Variants in ARHGAP15 observed in about 807,000 individuals in gnomAD.
ARHGAP15 encodes rho GTPase-activating protein 15.
A neutral mutation model predicts 63.7 loss-of-function variants in ARHGAP15; 51 were observed. The ratio of observed to expected loss-of-function variants is 0.80; its 90% CI spans 0.64 to 1.01. The LOEUF (loss-of-function observed/expected upper bound fraction) is 1.01, where lower values mean the gene tolerates loss of function less well. Ranked by LOEUF, ARHGAP15 falls within the 50% of genes least tolerant of loss-of-function variation. ARHGAP15 has a pLI of 0.00. For synonymous variants in ARHGAP15, 191 were observed against 193.8 expected (o/e 0.99, Z 0.12); for missense variants, 560 against 564.6 (o/e 0.99, Z 0.08).
chr2:143,662,844 G>A (rs1681903134), intron 12 of ARHGAP15, among the ~76,000 whole-genome samples: 1 of 134,728 alleles, frequency 7.4e-6, no homozygotes, highest in Non-Finnish European at 1.6e-5. Context: ...ATGAAATGAA[G>A]CAAGAAGGGA....
rs186359302 is a variant in ARHGAP15, at chr2:143,468,478, T to G, written c.704-18895T>G. ...GTTTCATAAACCTTTTAGAAATGGA[T>G]ATTGATTATTACTATTCAACTAATA... is the stretch of plus-strand genomic sequence containing the variant. On this transcript the variant is annotated intron_variant, in intron 8 of 13. Coordinates refer to ENST00000295095, the MANE Select transcript of ARHGAP15 (RefSeq NM_018460.4). Among the ~76,000 whole-genome samples the G allele has an allele frequency of 2.3e-3, 345 of 152,262 alleles. 1 individual carries two copies. The highest frequency in any genetic ancestry group is 8.1e-3 in the African/African-American group (337 of 41,554).
intron 12 of ARHGAP15, among the ~76,000 whole-genome samples, chr2:143,635,194 CTTTTTTTTTTTTTTTT>C (rs10558886): frequency 1.1e-4 from 3 of 26,882 alleles, no homozygotes; most frequent in African/African-American, 5.1e-4. Flanking sequence ...CTCTCAGGAG[CTTTTTTTTTTTTTTTT>C]TTTTTTTTTT....
At chr2:143,611,532 A>G (rs1369203781) in intron 11 of ARHGAP15, among the ~76,000 whole-genome samples, 2 of 152,228 alleles carry the variant, frequency 1.3e-5, no homozygotes, top group African/African-American at 4.8e-5. Context: ...CGGCTGGCAC[A>G]TGACAGGTGT....
At chr2:143,311,834 T>C (rs2105191201) in intron 6 of ARHGAP15, among the ~76,000 whole-genome samples, 1 of 152,234 alleles carries the variant, frequency 6.6e-6, no homozygotes, top group Non-Finnish European at 1.5e-5. Flanking sequence ...GGTTCAACAG[T>C]TCATTAGCCC....
chr2:143,220,568 G>T (rs926504792), intron 4 of ARHGAP15, among the ~76,000 whole-genome samples: 1 of 152,002 alleles, frequency 6.6e-6, no homozygotes, highest in African/African-American at 2.4e-5. Flanking sequence ...CAAATCACAC[G>T]ACCATTTTAA....
At chr2:143,614,463 T>C (rs1255172777) in intron 11 of ARHGAP15, among the ~76,000 whole-genome samples, 1 of 152,192 alleles carries the variant, frequency 6.6e-6, no homozygotes, top group Admixed American at 6.5e-5. Context: ...GTCTTCAGTA[T>C]TTGTTAAGTG....
At chr2:143,370,532 C>G (rs1686504056) in intron 6 of ARHGAP15, among the ~76,000 whole-genome samples, 1 of 151,906 alleles carries the variant, frequency 6.6e-6, no homozygotes. Flanking sequence ...TCAAGTCATA[C>G]TGATTATATT....
In ARHGAP15 at chr2:143,768,066, C is replaced by G. The variant is rs2105565967; in HGVS notation, c.1322C>G (p.Ala441Gly). ...GIVFGPTLLR[A>G]ENETGNMAIH... is the part of the protein sequence containing the mutation. ...GTATTTGGACCTACCCTTCTGCGAG[C>G]TGAAAATGAAACAGGAAACATGGCG... Residue 441 changes from alanine (A) to glycine (G), a missense_variant, in exon 14 of 14, where the codon GCT becomes GGT. Ala to Gly is a moderately conservative substitution (Grantham distance 60). Coordinates refer to ENST00000295095, the MANE Select transcript of ARHGAP15 (RefSeq NM_018460.4). The G allele has an allele frequency of 6.2e-7, 1 of 1,613,768 alleles. No homozygotes were observed. Among genetic ancestry groups the G allele is most frequent in the Non-Finnish European group, 8.5e-7 (1 of 1,179,794 alleles).
intron 12 of ARHGAP15, among the ~76,000 whole-genome samples, chr2:143,689,545 C>G (rs1559127619): frequency 6.6e-6 from 1 of 152,172 alleles, no homozygotes; most frequent in Non-Finnish European, 1.5e-5. Flanking sequence ...TTTTTACCCT[C>G]TGCTTCAGCT....
At chr2:143,628,462 T>A (rs1698929202) in intron 12 of ARHGAP15, among the ~76,000 whole-genome samples, 1 of 152,156 alleles carries the variant, frequency 6.6e-6, no homozygotes, top group African/African-American at 2.4e-5. Flanking sequence ...TGGAAGGAGA[T>A]GGTAGAAAGA....
intron 13 of ARHGAP15, among the ~76,000 whole-genome samples, chr2:143,759,781 C>CTAA (rs1686698340): frequency 2.0e-5 from 3 of 152,304 alleles, no homozygotes; most frequent in African/African-American, 7.2e-5. Flanking sequence ...AGCACTCCGT[C>CTAA]TAATACACGT....
intron 11 of ARHGAP15, among the ~76,000 whole-genome samples, chr2:143,594,442 T>C (rs1176262534): frequency 6.6e-6 from 1 of 152,182 alleles, no homozygotes; most frequent in Non-Finnish European, 1.5e-5. Flanking sequence ...GTGCTCGGCC[T>C]ATTTGGTATG....
At chr2:143,149,246 C>G (rs937408623) in intron 1 of ARHGAP15, among the ~76,000 whole-genome samples, 4 of 151,988 alleles carry the variant, frequency 2.6e-5, no homozygotes, top group Admixed American at 6.6e-5. Flanking sequence ...GGGACCTTCG[C>G]TCCTCGTGGT....
At chr2:143,721,026 C>T (rs1017982477) in intron 13 of ARHGAP15, among the ~76,000 whole-genome samples, 101 of 132,868 alleles carry the variant, frequency 7.6e-4, no homozygotes, top group Middle Eastern at 6.3e-3. Flanking sequence ...AGAGCCACTG[C>T]GCTCCAGCCT....
At chr2:143,475,623 C>T (rs2105200219) in intron 8 of ARHGAP15, among the ~76,000 whole-genome samples, 1 of 152,296 alleles carries the variant, frequency 6.6e-6, no homozygotes, top group African/African-American at 2.4e-5. Flanking sequence ...AGCATGGGCC[C>T]CAGGCCAGGA....
intron 6 of ARHGAP15, among the ~76,000 whole-genome samples, chr2:143,283,883 A>G (rs1681972277): frequency 1.3e-5 from 2 of 152,036 alleles, no homozygotes; most frequent in African/African-American, 4.8e-5. Flanking sequence ...CCTTCAGATA[A>G]CTCATCCATT....
chr2:143,218,355 G>A (rs1174778879), intron 4 of ARHGAP15, among the ~76,000 whole-genome samples: 2 of 135,730 alleles, frequency 1.5e-5, no homozygotes, highest in African/African-American at 5.6e-5. Flanking sequence ...TATATCCTTC[G>A]GTTTGTGGCC....
intron 6 of ARHGAP15, among the ~76,000 whole-genome samples, chr2:143,320,945 C>A (rs1450661946): frequency 2.0e-5 from 3 of 152,120 alleles, no homozygotes; most frequent in Admixed American, 6.5e-5. Context: ...TACAGCTGTT[C>A]CTAGCTGTAA....
intron 6 of ARHGAP15, among the ~76,000 whole-genome samples, chr2:143,418,653 A>G (rs1996446): frequency 0.89 from 135,087 of 152,184 alleles, 60,367 homozygotes; most frequent in Middle Eastern, 0.97. Context: ...AATTACAAAG[A>G]AGTAATACCT....
Sources: gnomAD v4.1 joint callset for allele counts (sites outside exome capture counted in the v4.1 genomes callset) on GRCh38, gnomAD v4.1.1 for gene constraint, MANE v1.5 for transcripts, NCBI Gene and HGNC (gene_info 2026-07-23, HGNC 2026-07-21) for gene names.